KIF13B: variants seen among roughly 807,000 people sequenced by gnomAD.
KIF13B encodes the protein kinesin family member 13B, also known as kinesin-like protein KIF13B.
In KIF13B, 127 loss-of-function variants were observed where a neutral mutation model predicts 222.0. That is an observed-to-expected ratio of 0.57 (90% CI 0.50 to 0.66). The LOEUF (loss-of-function observed/expected upper bound fraction) is 0.66, where lower values mean the gene tolerates loss of function less well. KIF13B is among the 30% of genes least tolerant of loss of function. The pLI, the probability that KIF13B is intolerant of heterozygous loss-of-function variation, is 0.00. For synonymous variants in KIF13B, 976 were observed against 919.0 expected, an observed-to-expected ratio of 1.06 and a Z score of -1.12; for missense variants, 2,173 against 2,379.0, an observed-to-expected ratio of 0.91 and a Z score of 1.80.
chr8:29,105,016 G>C lies in KIF13B; in HGVS notation c.4215+3123C>G, dbSNP rs960446479. Among the ~76,000 whole-genome samples, 6 of 152,036 alleles carry C rather than the reference G, an allele frequency of 3.9e-5. No homozygotes were observed. In the East Asian group the frequency reaches 1.2e-3, roughly 29 times the overall value. ...GGGTCTCTCTCTGTCACCCAGGCTG[G>C]AGTGCAATGGTGCAATCATAGTTCA... is the stretch of plus-strand genomic sequence containing the variant. On this transcript the variant is annotated intron_variant, in intron 35 of 39. Coordinates refer to ENST00000524189, the MANE Select transcript of KIF13B (RefSeq NM_015254.4).
At chr8:29,086,507 A>C (rs951673364) in intron 37 of KIF13B, among the ~76,000 whole-genome samples, 2 of 152,198 alleles carry the variant, frequency 1.3e-5, no homozygotes. Flanking sequence ...AGTGATAAGC[A>C]AGACCTGGTC....
At chr8:29,220,892 C>T (rs1563801079) in intron 2 of KIF13B, among the ~76,000 whole-genome samples, 1 of 152,144 alleles carries the variant, frequency 6.6e-6, no homozygotes, top group African/African-American at 2.4e-5. Context: ...AAGTGGATCG[C>T]TTGAACCCAG....
chr8:29,129,998 T>A (rs1248317455), intron 24 of KIF13B, among the ~76,000 whole-genome samples: 1 of 152,242 alleles, frequency 6.6e-6, no homozygotes, highest in Non-Finnish European at 1.5e-5. Context: ...CATTTTACAA[T>A]CTGAATGCTT....
chr8:29,223,999 T>G (rs111825051), intron 2 of KIF13B, among the ~76,000 whole-genome samples: 92 of 138,484 alleles, frequency 6.6e-4, no homozygotes, highest in African/African-American at 2.3e-3. Flanking sequence ...CCTACCAATT[T>G]TTTTTTTCTT....
In KIF13B at chr8:29,110,379, T is replaced by A. The variant is rs183831833; in HGVS notation, c.3931-309A>T. On this transcript the variant is annotated intron_variant, in intron 32 of 39. Transcript: ENST00000524189. Reference sequence around the variant, plus strand: ...AAGGATTTTGTCGACTAGCCAGAAATGTAACCACCGTAAAAACAATTCAGG... The same window carrying A: ...AAGGATTTTGTCGACTAGCCAGAAAAGTAACCACCGTAAAAACAATTCAGG... Among the ~76,000 whole-genome samples the A allele has an allele frequency of 1.0e-3, 152 of 152,172 alleles. 1 individual carries two copies. Among genetic ancestry groups the A allele is most frequent in the Admixed American group, 4.4e-3 (67 of 15,298 alleles).
At chr8:29,073,048 C>T (rs898476272) in intron 38 of KIF13B, among the ~76,000 whole-genome samples, 4 of 141,464 alleles carry the variant, frequency 2.8e-5, no homozygotes, top group South Asian at 2.3e-4. Context: ...CTGGGCATCC[C>T]GAGCAAGGCA....
intron 27 of KIF13B, among the ~76,000 whole-genome samples, chr8:29,123,761 T>G (rs1809983693): frequency 6.6e-6 from 1 of 152,196 alleles, no homozygotes. Flanking sequence ...GTTACCACCT[T>G]CCTTTATGTT....
At chr8:29,106,632 CAAAAAAAAAAA>C (rs71222590) in intron 35 of KIF13B, among the ~76,000 whole-genome samples, 2 of 56,468 alleles carry the variant, frequency 3.5e-5, no homozygotes, top group Non-Finnish European at 2.9e-5. Flanking sequence ...AACTCTGTCT[CAAAAAAAAAAA>C]AAAAAAAAAA....
intron 29 of KIF13B, among the ~76,000 whole-genome samples, 160 bp downstream of exon 29, chr8:29,122,431 C>G (rs916909744): frequency 6.6e-6 from 1 of 152,146 alleles, no homozygotes; most frequent in African/African-American, 2.4e-5. Flanking sequence ...CTATGACACA[C>G]CAATCAGTCC....
chr8:29,129,087 A>G (rs1450581155), intron 24 of KIF13B, among the ~76,000 whole-genome samples: 16 of 152,332 alleles, frequency 1.1e-4, no homozygotes, highest in Admixed American at 9.8e-4. Context: ...GCCATCATAT[A>G]AGAAAAATCC....
intron 13 of KIF13B, among the ~76,000 whole-genome samples, chr8:29,159,668 C>T (rs933277694): frequency 6.6e-6 from 1 of 152,172 alleles, no homozygotes; most frequent in African/African-American, 2.4e-5. Context: ...AAGGGCTTGG[C>T]CGTAGACTAG....
intron 36 of KIF13B, among the ~76,000 whole-genome samples, chr8:29,098,497 G>T (rs1025752210): frequency 6.6e-6 from 1 of 151,660 alleles, no homozygotes; most frequent in Non-Finnish European, 1.5e-5. Flanking sequence ...CAGCTACTTG[G>T]GGGGCTGAGG....
intron 1 of KIF13B, among the ~76,000 whole-genome samples, chr8:29,256,328 T>C (rs1040773186): frequency 1.3e-5 from 2 of 152,234 alleles, no homozygotes; most frequent in Non-Finnish European, 2.9e-5. Context: ...GATCCTCAGA[T>C]GCCGACACAA....
At chr8:29,227,357 T>G (rs1388202611) in intron 2 of KIF13B, among the ~76,000 whole-genome samples, 1 of 152,154 alleles carries the variant, frequency 6.6e-6, no homozygotes, top group Admixed American at 6.5e-5. Flanking sequence ...TGTCATGATC[T>G]CAGCTCACTG....
At chr8:29,216,992 TGTAA>T (rs1018380413) in intron 2 of KIF13B, among the ~76,000 whole-genome samples, 3 of 151,808 alleles carry the variant, frequency 2.0e-5, no homozygotes, top group Non-Finnish European at 4.4e-5. Context: ...TTAAGTGCAC[TGTAA>T]GTGTTAGGGA....
rs1380592611 is a variant in KIF13B, at chr8:29,130,559, T to C, written c.3049A>G (p.Thr1017Ala). 1.2e-6 allele frequency: 2 copies of C among 1,613,756 alleles called. No homozygotes were observed. Among genetic ancestry groups the C allele is most frequent in the Non-Finnish European group, 1.7e-6 (2 of 1,179,810 alleles). Reference sequence around the variant, plus strand: ...TGCCGGAGCTGGAAGATTCCTCCTGTTGGGACATCCTTTGCAGAAATCACT... The same window carrying C: ...TGCCGGAGCTGGAAGATTCCTCCTGCTGGGACATCCTTTGCAGAAATCACT... ...VEVISAKDVP[T>A]GGIFQLRQGQ... Residue 1017 changes from threonine (T) to alanine (A), a missense_variant, in exon 24 of 40, where the codon ACA becomes GCA. Physicochemically the swap from Thr to Ala is moderately conservative, Grantham distance 58. Around this residue, in one of 2 missense-constraint regions of KIF13B, gnomAD observed 1,480 missense variants for 1,722.8 expected, o/e 0.86. Coordinates refer to ENST00000524189, the MANE Select transcript of KIF13B (RefSeq NM_015254.4).
chr8:29,109,380 G>C (rs1326295341), intron 34 of KIF13B, 54 bp downstream of exon 34: 1 of 1,346,304 alleles, frequency 7.4e-7, no homozygotes, highest in Non-Finnish European at 1.1e-6. Context: ...CCCAAGAAAA[G>C]AGGAGAGGAG....
intron 2 of KIF13B, among the ~76,000 whole-genome samples, chr8:29,233,578 A>AT (rs1490216386): frequency 6.6e-6 from 1 of 152,268 alleles, no homozygotes; most frequent in East Asian, 1.9e-4. Context: ...AGATTCTCAA[A>AT]TTTTTTGGTA....
chr8:29,098,170 C>CAAAAAAAAA (rs147089450), intron 36 of KIF13B, among the ~76,000 whole-genome samples: 9 of 30,306 alleles, frequency 3.0e-4, no homozygotes, highest in East Asian at 1.1e-3. Flanking sequence ...GACTCCATCT[C>CAAAAAAAAA]AAAAAAAAAA....
Sources: allele counts gnomAD v4.1 joint callset (sites outside exome capture counted in the v4.1 genomes callset), GRCh38; gene constraint gnomAD v4.1.1; regional missense constraint gnomAD v4.1.1; transcripts MANE v1.5; gene names NCBI Gene and HGNC (gene_info 2026-07-23, HGNC 2026-07-21).